PRELID2: variants seen among roughly 807,000 people sequenced by gnomAD.
The protein encoded by PRELID2 is PRELI domain containing 2.
In PRELID2, 25 loss-of-function variants were observed where a neutral mutation model predicts 28.4. The ratio of observed to expected loss-of-function variants is 0.88; its 90% confidence interval spans 0.64 to 1.23. PRELID2 has a LOEUF of 1.23. PRELID2 is among the 50% of genes most tolerant of loss of function. The probability of loss-of-function intolerance (pLI) is 0.00; values close to 1 mark genes in which losing one functional copy is unlikely to be tolerated. For synonymous variants in PRELID2, 76 were observed against 71.6 expected (o/e 1.06, Z -0.31); for missense variants, 201 against 214.4 (o/e 0.94, Z 0.39).
chr5:145,640,059 A>G (rs1754072493), intron 1 of PRELID2, among the ~76,000 whole-genome samples: 1 of 152,100 alleles, frequency 6.6e-6, no homozygotes. Flanking sequence ...TTTTTTTAAT[A>G]TTCAGTATAC....
At chr5:145,533,952 T>C (rs553792455) in intron 1 of PRELID2, among the ~76,000 whole-genome samples, 1 of 152,184 alleles carries the variant, frequency 6.6e-6, no homozygotes, top group Non-Finnish European at 1.5e-5. Flanking sequence ...GCTGGTAAAC[T>C]TATCAGCCAC....
chr5:145,412,955 A>G, the PRELID2 span, among the ~76,000 whole-genome samples: 4 of 152,236 alleles, frequency 2.6e-5, no homozygotes, highest in East Asian at 3.9e-4. Context: ...ATCACTCACT[A>G]TCATGAGAAC....
chr5:145,594,445 T>C (rs1312804557), intron 1 of PRELID2, among the ~76,000 whole-genome samples: 1 of 152,198 alleles, frequency 6.6e-6, no homozygotes, highest in East Asian at 1.9e-4. Context: ...CTTATTGTTT[T>C]TCTGATCTTC....
chr5:145,527,227 T>C (rs114068932), intron 1 of PRELID2, among the ~76,000 whole-genome samples: 1 of 152,166 alleles, frequency 6.6e-6, no homozygotes, highest in African/African-American at 2.4e-5. Flanking sequence ...CCACACATGA[T>C]AAAATCATAT....
chr5:145,245,174 T>A, the PRELID2 span, among the ~76,000 whole-genome samples: 2 of 152,098 alleles, frequency 1.3e-5, no homozygotes, highest in Non-Finnish European at 2.9e-5. Context: ...GAAATGAGCT[T>A]CCCAATAGGA....
chr5:145,720,088 A>T (rs1561556881), intron 1 of PRELID2, among the ~76,000 whole-genome samples: 1 of 152,010 alleles, frequency 6.6e-6, no homozygotes, highest in African/African-American at 2.4e-5. Context: ...AGGGTCTAAA[A>T]GGAAGTGATT....
chr5:145,823,495 C>A (rs1754970710), intron 1 of PRELID2, among the ~76,000 whole-genome samples: 1 of 152,198 alleles, frequency 6.6e-6, no homozygotes, highest in Non-Finnish European at 1.5e-5. Context: ...ACAATCTTGT[C>A]TAAATCCAAC....
chr5:145,543,172 T>C (rs896045005), intron 1 of PRELID2, among the ~76,000 whole-genome samples: 3 of 152,136 alleles, frequency 2.0e-5, no homozygotes, highest in African/African-American at 7.2e-5. Flanking sequence ...TTTGCTTGAG[T>C]TATCATTTGA....
chr5:145,465,909 TTCCCCTCCATTA>T, the PRELID2 span, among the ~76,000 whole-genome samples: 1 of 152,112 alleles, frequency 6.6e-6, no homozygotes, highest in South Asian at 2.1e-4. Context: ...GTAAGATATA[TTCCCCTCCATTA>T]TTATGATAGC....
chr5:145,513,218 T>G (rs891813012), intron 1 of PRELID2, among the ~76,000 whole-genome samples: 2 of 151,446 alleles, frequency 1.3e-5, no homozygotes, highest in African/African-American at 4.9e-5. Context: ...TCTAACCCAA[T>G]GGAAGGAAGC....
chr5:145,474,287 G>T (rs560314909), intron 1 of PRELID2, among the ~76,000 whole-genome samples: 3 of 152,198 alleles, frequency 2.0e-5, no homozygotes, highest in African/African-American at 7.2e-5. Flanking sequence ...ACTCCTTACA[G>T]TGTTCTCATG....
At chr5:145,772,515 C>T (rs997950703) in intron 5 of PRELID2, among the ~76,000 whole-genome samples, 1 of 152,184 alleles carries the variant, frequency 6.6e-6, no homozygotes, top group African/African-American at 2.4e-5. Context: ...CTGGTGAGGG[C>T]CTTCTTGCTG....
the PRELID2 span, among the ~76,000 whole-genome samples, chr5:145,453,199 T>A: frequency 2.0e-5 from 3 of 152,310 alleles, no homozygotes; most frequent in South Asian, 6.2e-4. Flanking sequence ...TCATATGACT[T>A]ATATTTTGCC....
the PRELID2 span, among the ~76,000 whole-genome samples, chr5:145,251,883 C>G: frequency 6.6e-6 from 1 of 152,072 alleles, no homozygotes; most frequent in African/African-American, 2.4e-5. Context: ...CTCTATTGAC[C>G]TCATCTGTCA....
intron 1 of PRELID2, among the ~76,000 whole-genome samples, chr5:145,597,181 C>T (rs1359697576): frequency 6.6e-6 from 1 of 152,146 alleles, no homozygotes; most frequent in East Asian, 1.9e-4. Context: ...GACACTATTT[C>T]CTTAATTATA....
intron 1 of PRELID2, among the ~76,000 whole-genome samples, chr5:145,684,621 T>G (rs768262990): frequency 2.6e-5 from 4 of 152,236 alleles, no homozygotes; most frequent in Non-Finnish European, 4.4e-5. Context: ...CAGAGATGTT[T>G]AGTGACTTGC....
At chr5:145,421,796 G>C in the PRELID2 span, among the ~76,000 whole-genome samples, 2 of 131,338 alleles carry the variant, frequency 1.5e-5, no homozygotes, top group Admixed American at 1.7e-4. Flanking sequence ...GTTTGCTCTT[G>C]CTTTTCTAGT....
the PRELID2 span, among the ~76,000 whole-genome samples, chr5:145,275,109 T>C: frequency 6.6e-6 from 1 of 152,140 alleles, no homozygotes; most frequent in African/African-American, 2.4e-5. Context: ...TATCTCCAAA[T>C]AGTCATTTTC....
At chr5:145,417,870 C>T in the PRELID2 span, among the ~76,000 whole-genome samples, 1 of 152,210 alleles carries the variant, frequency 6.6e-6, no homozygotes, top group African/African-American at 2.4e-5. Flanking sequence ...CATTTCTATT[C>T]AACATAGTAT....
Sources: gnomAD v4.1 joint callset for allele counts (sites outside exome capture counted in the v4.1 genomes callset) on GRCh38, gnomAD v4.1.1 for gene constraint, MANE v1.5 for transcripts, NCBI Gene and HGNC (gene_info 2026-07-23, HGNC 2026-07-21) for gene names.